The following STXBP5L variants were observed in gnomAD, a reference collection of about 807,000 sequenced individuals.
The protein encoded by STXBP5L is syntaxin binding protein 5L, also known as syntaxin-binding protein 5-like.
A neutral mutation model predicts 144.5 loss-of-function variants in STXBP5L; 65 were observed. The ratio of observed to expected loss-of-function variants is 0.45; its 90% CI spans 0.37 to 0.55. STXBP5L has a LOEUF of 0.55. Ranked by LOEUF, STXBP5L falls within the 20% of genes least tolerant of loss-of-function variation. STXBP5L has a pLI of 0.00. For synonymous variants in STXBP5L, 505 were observed against 469.6 expected (o/e 1.08, Z -0.97); for missense variants, 1,298 against 1,405.5 (o/e 0.92, Z 1.22).
chr3:121,148,461 G>A (rs564949783), intron 7 of STXBP5L, among the ~76,000 whole-genome samples: 3 of 152,036 alleles, frequency 2.0e-5, no homozygotes, highest in Non-Finnish European at 2.9e-5. Context: ...GGTACACTAG[G>A]GAAAGAAAGG....
At chr3:121,212,952 A>G (rs1230578650) in intron 10 of STXBP5L, among the ~76,000 whole-genome samples, 1 of 152,016 alleles carries the variant, frequency 6.6e-6, no homozygotes. Flanking sequence ...TTGTATTCCT[A>G]GGTATTTTAT....
chr3:121,206,681 G>T (rs1193790413), intron 10 of STXBP5L, among the ~76,000 whole-genome samples: 1 of 152,076 alleles, frequency 6.6e-6, no homozygotes, highest in Non-Finnish European at 1.5e-5. Context: ...GGGCATGGTG[G>T]CATGTGCCTG....
chr3:121,041,676 A>T (rs1260326010), intron 3 of STXBP5L, 24 bp from the exon 4 acceptor site: 7 of 1,561,826 alleles, frequency 4.5e-6, no homozygotes, highest in Non-Finnish European at 6.2e-6. Flanking sequence ...AAAATGTTAG[A>T]ATCCTTGACT....
chr3:121,159,101 A>AT (rs1212269180), intron 9 of STXBP5L: 2 of 151,658 alleles, frequency 1.3e-5, no homozygotes, highest in Non-Finnish European at 2.9e-5. Context: ...CTTTGGGTTT[A>AT]TTTTTTTCCC....
chr3:121,182,189 C>G (rs1336466442), intron 9 of STXBP5L, among the ~76,000 whole-genome samples: 1 of 152,162 alleles, frequency 6.6e-6, no homozygotes, highest in Admixed American at 6.5e-5. Context: ...CACATATTTA[C>G]AGAACATTCA....
chr3:121,302,391 C>A (rs2051952606), intron 19 of STXBP5L, among the ~76,000 whole-genome samples: 1 of 151,980 alleles, frequency 6.6e-6, no homozygotes. Flanking sequence ...GTGGTGATAT[C>A]CCCTTTATCA....
At chr3:121,184,848 C>G (rs570304302) in intron 9 of STXBP5L, among the ~76,000 whole-genome samples, 10 of 152,156 alleles carry the variant, frequency 6.6e-5, no homozygotes, top group Admixed American at 1.3e-4. Flanking sequence ...GAAAGCCTAT[C>G]GGACTAACAG....
chr3:121,182,853 A>G (rs796111264), intron 9 of STXBP5L, among the ~76,000 whole-genome samples: 17 of 152,320 alleles, frequency 1.1e-4, no homozygotes, highest in African/African-American at 4.1e-4. Flanking sequence ...AAGATCATTC[A>G]AGGCTACTAT....
chr3:121,175,996 G>A (rs1171679718), intron 9 of STXBP5L, among the ~76,000 whole-genome samples: 4 of 151,898 alleles, frequency 2.6e-5, no homozygotes, highest in South Asian at 2.1e-4. Context: ...AATAATAAAG[G>A]CATTTCTCAA....
intron 10 of STXBP5L, among the ~76,000 whole-genome samples, chr3:121,212,607 G>T (rs75809312): frequency 6.8e-6 from 1 of 147,856 alleles, no homozygotes; most frequent in Non-Finnish European, 1.5e-5. Flanking sequence ...TGCTGTTTTC[G>T]TTACTATAGC....
chr3:121,160,640 T>A (rs1422878871), intron 9 of STXBP5L, among the ~76,000 whole-genome samples: 1 of 152,130 alleles, frequency 6.6e-6, no homozygotes, highest in Non-Finnish European at 1.5e-5. Flanking sequence ...GGAATAACCA[T>A]AGTTGAGTCT....
intron 15 of STXBP5L, among the ~76,000 whole-genome samples, chr3:121,252,588 A>G (rs1387031328): frequency 1.3e-5 from 2 of 152,130 alleles, no homozygotes; most frequent in African/African-American, 4.8e-5. Flanking sequence ...CTCCAACTTA[A>G]TGGATGTCTT....
chr3:120,965,999 A>G (rs1471933068), intron 3 of STXBP5L, among the ~76,000 whole-genome samples: 1 of 151,562 alleles, frequency 6.6e-6, no homozygotes, highest in East Asian at 1.9e-4. Flanking sequence ...TTTTCTCTAA[A>G]CTTCTCCTGT....
At chr3:121,203,765 T>A (rs1195472167) in intron 9 of STXBP5L, among the ~76,000 whole-genome samples, 2 of 152,208 alleles carry the variant, frequency 1.3e-5, no homozygotes, top group African/African-American at 4.8e-5. Flanking sequence ...TACAAACAAC[T>A]GCAAATATAC....
At chr3:121,002,272 T>G (rs560072313) in intron 3 of STXBP5L, among the ~76,000 whole-genome samples, 1 of 152,216 alleles carries the variant, frequency 6.6e-6, no homozygotes, top group Admixed American at 6.5e-5. Flanking sequence ...TATCTCATTG[T>G]TGTTTTCATT....
At chr3:121,401,246 G>A (rs558752259) in intron 22 of STXBP5L, among the ~76,000 whole-genome samples, 206 of 152,106 alleles carry the variant, frequency 1.4e-3, no homozygotes, top group African/African-American at 4.5e-3. Context: ...TGTTTCTTCT[G>A]AATTCTGTAG....
At chr3:121,008,254 C>G (rs964895238) in intron 3 of STXBP5L, among the ~76,000 whole-genome samples, 1 of 151,938 alleles carries the variant, frequency 6.6e-6, no homozygotes. Flanking sequence ...TAATCAGGGT[C>G]AGTTCCCAGT....
intron 22 of STXBP5L, among the ~76,000 whole-genome samples, chr3:121,397,506 T>C (rs1281466144): frequency 6.6e-6 from 1 of 152,204 alleles, no homozygotes; most frequent in African/African-American, 2.4e-5. Flanking sequence ...TATCTGTTAA[T>C]CATTTTAAAG....
intron 18 of STXBP5L, among the ~76,000 whole-genome samples, chr3:121,273,304 T>C (rs1038301773): frequency 3.9e-5 from 6 of 152,082 alleles, no homozygotes; most frequent in Non-Finnish European, 7.4e-5. Context: ...TGGCAGTTTT[T>C]TTTTTTTCTT....
Sources: gnomAD v4.1 joint callset for allele counts (sites outside exome capture counted in the v4.1 genomes callset) on GRCh38, gnomAD v4.1.1 for gene constraint, MANE v1.5 for transcripts, NCBI Gene and HGNC (gene_info 2026-07-23, HGNC 2026-07-21) for gene names.